GET4: variants seen among roughly 807,000 people sequenced by gnomAD.
The protein encoded by GET4 is guided entry of tail-anchored proteins factor 4.
In GET4, 20 loss-of-function variants were observed where a neutral mutation model predicts 40.0. The observed-to-expected ratio is 0.50, with a 90% confidence interval of 0.35 to 0.73. The LOEUF (loss-of-function observed/expected upper bound fraction) is 0.73. Ranked by LOEUF, GET4 falls within the 30% of genes least tolerant of loss-of-function variation. The pLI is 0.01. For synonymous variants in GET4, 280 were observed against 194.6 expected (o/e 1.44, Z -3.65); for missense variants, 557 against 454.0 (o/e 1.23, Z -2.06).
intron 1 of GET4, chr7:883,412 A>G (rs983303471): frequency 1.5e-6 from 1 of 681,722 alleles, no homozygotes; most frequent in Non-Finnish European, 1.8e-6. Context: ...GTCTTTCTTC[A>G]TTTGACACCG....
chr7:892,274 C>G lies in GET4; in HGVS notation c.606-4C>G. Reference sequence around the variant, plus strand: ...TTCCACCACCAGCATGTTCTCATTTCCAGGTTTCTCTGTTTAAAAAACAAA... The same window carrying G: ...TTCCACCACCAGCATGTTCTCATTTGCAGGTTTCTCTGTTTAAAAAACAAA... On this transcript the variant is annotated splice_polypyrimidine_tract_variant and splice_region_variant and intron_variant, in intron 5 of 8. Transcript: ENST00000265857. 1 of 1,586,234 alleles carries G rather than the reference C, an allele frequency of 6.3e-7. No homozygotes were observed. The highest frequency in any genetic ancestry group is 2.3e-5 in the East Asian group (1 of 43,936).
chr7:887,770 G>A (rs1004821617), intron 4 of GET4, among the ~76,000 whole-genome samples: 1 of 152,244 alleles, frequency 6.6e-6, no homozygotes, highest in African/African-American at 2.4e-5. Context: ...CTGACCCTCA[G>A]GGAGGCAGCC....
intron 8 of GET4, among the ~76,000 whole-genome samples, 158 bp from the exon 9 acceptor site, chr7:895,176 C>CT (rs1436856107): frequency 6.6e-6 from 1 of 151,638 alleles, no homozygotes; most frequent in Non-Finnish European, 1.5e-5. Flanking sequence ...CCAGAGTGTC[C>CT]TGTCCCGGGG....
rs1182159427 is a variant in GET4 at position 876,631 on chromosome 7, C to T, written c.-15C>T. ...CGCCTGCGACAGCGTCAGCCCTGCG[C>T]GGAGCGCCGGCCCGATGGCGGCGGC... On this transcript the variant is annotated 5_prime_UTR_variant, in exon 1 of 9. Transcript: ENST00000265857. The T allele has an allele frequency of 3.3e-6, 4 of 1,229,628 alleles. No individual in the cohort carries two copies. Among genetic ancestry groups the T allele is most frequent in the Non-Finnish European group, 4.1e-6 (4 of 980,830 alleles). The allele number at this position is 1,229,628 out of a possible 1,614,324, so 76.2% of individuals were successfully genotyped here.
chr7:890,468 G>A (rs1487513429), intron 4 of GET4, among the ~76,000 whole-genome samples: 3 of 151,908 alleles, frequency 2.0e-5, no homozygotes, highest in Admixed American at 6.6e-5. Context: ...CTTGGGAGTG[G>A]TGTGTGTTCA....
intron 8 of GET4, 135 bp downstream of exon 8, chr7:894,106 T>C (rs970058839): frequency 3.4e-6 from 2 of 587,098 alleles, no homozygotes; most frequent in African/African-American, 1.9e-5. Context: ...CTCAGTTTAC[T>C]TTTGTTAGTA....
rs2128627313 is a variant in GET4, at chr7:884,089, T to G, written c.156-1967T>G. The G allele has an allele frequency of 1.0e-5, 12 of 1,193,524 alleles. No homozygotes were observed. The South Asian group carries it at 1.7e-4, about 17-fold the overall frequency. The allele number at this position is 1,193,524 out of a possible 1,614,324, so 73.9% of individuals were successfully genotyped here. On this transcript the variant is annotated intron_variant, in intron 1 of 8. Transcript: ENST00000265857. ...GGGTCACTGCCTTCCAGGGAGTCCT[T>G]TTTTTCTTCTGGTTTCTAAGTCGCC...
At chr7:880,661 A>T (rs1381742037) in intron 1 of GET4, 1 of 152,226 alleles carries the variant, frequency 6.6e-6, no homozygotes, top group Non-Finnish European at 1.5e-5. Context: ...GGGGCCCGGG[A>T]CACGTTACTG....
At chr7:876,914 G>T (rs1271859681) in intron 1 of GET4, 114 bp downstream of exon 1, 5 of 454,682 alleles carry the variant, frequency 1.1e-5, no homozygotes, top group South Asian at 8.8e-5. Context: ...TCGCGGGGGC[G>T]AGCTGGACCC....
rs553701626 is a variant in GET4, at chr7:895,258, C to T, written c.896-76C>T. 3.0e-4 allele frequency: 212 copies of T among 709,498 alleles called. 1 individual carries two copies. Among genetic ancestry groups the T allele is most frequent in the African/African-American group, 3.0e-3 (165 of 55,878 alleles). 44.0% of individuals were successfully genotyped at this position (709,498 alleles called of 1,614,324 possible). A position where few individuals can be genotyped will look rare whatever the true frequency, so the allele number is the denominator to read the frequency against. On this transcript the variant is annotated intron_variant, in intron 8 of 8. Coordinates refer to ENST00000265857, the MANE Select transcript of GET4 (RefSeq NM_015949.3). ...TGGGACACTGGGACACCTTGTGAGA[C>T]GTTTGTGGGAAGGAGGGGCTTGGGG...
chr7:895,298 GC>G, intron 8 of GET4, 35 bp from the exon 9 acceptor site: 1 of 1,073,152 alleles, frequency 9.3e-7, no homozygotes, highest in Non-Finnish European at 1.4e-6. Flanking sequence ...GTGGGAGGCT[GC>G]CCAGGCGTGA....
chr7:883,976 G>T (rs1178934809), intron 1 of GET4: 2 of 1,072,238 alleles, frequency 1.9e-6, no homozygotes, highest in African/African-American at 3.4e-5. Flanking sequence ...GGGAAGAAGG[G>T]AGCCGGCTGC....
At chr7:886,179 G>A (rs768689989) in intron 2 of GET4, 45 bp downstream of exon 2, 22 of 1,274,302 alleles carry the variant, frequency 1.7e-5, no homozygotes, top group Non-Finnish European at 2.4e-5. Flanking sequence ...GCTCCGGGCA[G>A]GCAAGTGGAG....
chr7:888,478 T>C (rs1013872202), intron 4 of GET4, among the ~76,000 whole-genome samples: 2 of 152,220 alleles, frequency 1.3e-5, no homozygotes, highest in South Asian at 2.1e-4. Context: ...TTTCCCGACC[T>C]TCTCCCTGAG....
At chr7:894,228 A>G (rs952360139) in intron 8 of GET4, among the ~76,000 whole-genome samples, 1 of 152,034 alleles carries the variant, frequency 6.6e-6, no homozygotes, top group African/African-American at 2.4e-5. Context: ...CAGGGATCAC[A>G]TCACGTGGCT....
In GET4 at chr7:876,598, G is replaced by C; in HGVS notation, c.-48G>C. The C allele has an allele frequency of 8.6e-7, 1 of 1,159,146 alleles. No homozygotes were observed. The highest frequency in any genetic ancestry group is 1.1e-6 in the Non-Finnish European group (1 of 938,052). The allele number at this position is 1,159,146 out of a possible 1,614,324, so 71.8% of individuals were successfully genotyped here. A position where few individuals can be genotyped will look rare whatever the true frequency, so the allele number is the denominator to read the frequency against. ...GTCGGGACGGAAGCCGGGAGGCGCT[G>C]CCGACCGCGCCTGCGACAGCGTCAG... On this transcript the variant is annotated 5_prime_UTR_variant, in exon 1 of 9. Transcript: ENST00000265857.
At chr7:887,309 T>A (rs899774615) in intron 3 of GET4, 61 bp from the exon 4 acceptor site, 1 of 1,496,030 alleles carries the variant, frequency 6.7e-7, no homozygotes, top group Middle Eastern at 1.7e-4. Flanking sequence ...CTGTGGGGAA[T>A]GTGGGACAGA....
intron 1 of GET4, chr7:883,843 C>T (rs899697905): frequency 1.4e-5 from 14 of 1,019,308 alleles, no homozygotes; most frequent in Non-Finnish European, 1.6e-5. Context: ...CCGCCTTAGA[C>T]GGTTTGCCTG....
intron 1 of GET4, chr7:878,182 G>A (rs1469697125): frequency 2.2e-6 from 1 of 455,490 alleles, no homozygotes; most frequent in Non-Finnish European, 4.6e-6. Context: ...AGCAGAGCTG[G>A]CTATGCTGGG....
Sources: allele counts gnomAD v4.1 joint callset (sites outside exome capture counted in the v4.1 genomes callset), GRCh38; gene constraint gnomAD v4.1.1; transcripts MANE v1.5; gene names NCBI Gene and HGNC (gene_info 2026-07-23, HGNC 2026-07-21).